The following POTEG variants were observed in gnomAD, a reference collection of about 807,000 sequenced individuals.
POTEG encodes POTE ankyrin domain family member G, also known as ANKRD26-like family C member 2.
In POTEG, 2 loss-of-function variants were observed where a neutral mutation model predicts 49.6. That is an observed-to-expected ratio of 0.04 (90% CI 0.02 to 0.13). The LOEUF (loss-of-function observed/expected upper bound fraction) is 0.13, where lower values mean the gene tolerates loss of function less well. Ranked by LOEUF, POTEG falls within the 10% of genes least tolerant of loss-of-function variation. The probability of loss-of-function intolerance (pLI) is 1.00; values close to 1 mark genes in which losing one functional copy is unlikely to be tolerated. For missense variants in POTEG, 26 were observed against 545.2 expected (o/e 0.05, Z 9.48); for synonymous variants, 7 against 186.6 (o/e 0.04, Z 7.84).
chr14:19,415,577 T>A (rs1441610158), intron 7 of POTEG, among the ~76,000 whole-genome samples: 1 of 149,552 alleles, frequency 6.7e-6, no homozygotes, highest in Admixed American at 6.6e-5. Flanking sequence ...GATGTTACAT[T>A]CTTCATCATG....
chr14:19,409,147 ATACT>A (rs1217811454), intron 9 of POTEG, among the ~76,000 whole-genome samples: 118 of 46,440 alleles, frequency 2.5e-3, no homozygotes, highest in African/African-American at 0.011. Context: ...CATTCATTTA[ATACT>A]TATTTATTAG....
chr14:19,432,974 G>T (rs1319266452), intron 1 of POTEG, among the ~76,000 whole-genome samples: 1 of 42,796 alleles, frequency 2.3e-5, no homozygotes, highest in East Asian at 6.5e-4. Context: ...TCCCAGGTTG[G>T]AGTACAGTGG....
At chr14:19,415,854 T>C (rs1418213234) in intron 7 of POTEG, among the ~76,000 whole-genome samples, 1 of 142,522 alleles carries the variant, frequency 7.0e-6, no homozygotes, top group Non-Finnish European at 1.6e-5. Flanking sequence ...TTTTTTTTTT[T>C]TTTTTTTTTG....
At chr14:19,415,838 T>C (rs1228792840) in intron 7 of POTEG, among the ~76,000 whole-genome samples, 1,873 of 54,836 alleles carry the variant, frequency 0.034, 23 homozygotes, top group South Asian at 0.058. Context: ...AATTTTTTTT[T>C]TTTTTTTTTT....
Position 19,424,186 on chromosome 14 carries a change from G to C in POTEG, c.1034C>G (p.Ala345Gly). Residue 345 changes from alanine (A) to glycine (G), a missense_variant, in exon 5 of 11, where the codon GCT (alanine) becomes GGT (glycine). Physicochemically the swap from Ala to Gly is moderately conservative, Grantham distance 60. Coordinates refer to ENST00000547848, the MANE Select transcript of POTEG (RefSeq NM_001005356.3). ...TTACACATTATGATGACTAGAAACA[G>C]CATACTCTCTGGCCGTCTGTCCAGA... ...DLSGQTAREY[A>G]VSSHHNVICQ... The C allele has an allele frequency of 6.6e-7, 1 of 1,519,964 alleles. No homozygotes were observed. Among genetic ancestry groups the C allele is most frequent in the Non-Finnish European group, 8.8e-7 (1 of 1,134,112 alleles). 94.2% of individuals were successfully genotyped at this position (1,519,964 alleles called of 1,614,324 possible).
intron 1 of POTEG, among the ~76,000 whole-genome samples, chr14:19,432,369 T>C (rs1240272454): frequency 7.6e-5 from 3 of 39,318 alleles, no homozygotes; most frequent in East Asian, 9.0e-4. Context: ...AAATTTTGTA[T>C]ATATATATAT....
chr14:19,419,854 C>T (rs1883682773), intron 6 of POTEG, among the ~76,000 whole-genome samples: 1 of 131,364 alleles, frequency 7.6e-6, no homozygotes, highest in South Asian at 2.6e-4. Context: ...GTTTTAGCCA[C>T]CGCTCATCTA....
At chr14:19,416,066 G>C (rs1191666751) in intron 7 of POTEG, among the ~76,000 whole-genome samples, 8 of 145,106 alleles carry the variant, frequency 5.5e-5, no homozygotes, top group African/African-American at 1.8e-4. Flanking sequence ...GGATGGTCTC[G>C]ATCTCCTGAC....
chr14:19,421,529 AGCCCATGGAAAGATT>A, intron 6 of POTEG, 80 bp downstream of exon 6: 1 of 1,445,804 alleles, frequency 6.9e-7, no homozygotes, highest in Non-Finnish European at 9.6e-7. Context: ...ACCTTTCCCC[AGCCCATGGAAAGATT>A]GTCTTCCACA....
intron 6 of POTEG, among the ~76,000 whole-genome samples, chr14:19,418,662 TAG>T (rs1883645523): frequency 5.1e-5 from 1 of 19,620 alleles, no homozygotes. Context: ...TAAACATGCA[TAG>T]AAAAACATTA....
At chr14:19,415,054 T>G (rs143882003) in intron 7 of POTEG, among the ~76,000 whole-genome samples, 1 of 145,122 alleles carries the variant, frequency 6.9e-6, no homozygotes, top group Non-Finnish European at 1.6e-5. Flanking sequence ...AGTGCTTTTT[T>G]AAAAGATTCC....
At chr14:19,433,587 GTTTTGT>G in intron 1 of POTEG, among the ~76,000 whole-genome samples, 176 bp downstream of exon 1, 2 of 137,284 alleles carry the variant, frequency 1.5e-5, no homozygotes. Context: ...ATCAGCTAAA[GTTTTGT>G]TTTTGTGTTG....
At position 19,403,048 on chromosome 14, in the gene POTEG, TCTTCCTGCAA is replaced by T. The variant is rs1218079701; in HGVS notation, c.*53_*62del. On this transcript the variant is annotated 3_prime_UTR_variant, in exon 11 of 11. Transcript: ENST00000547848. ...TAGTTCCAGTCTTAGCATGACAATT[TCTTCCTGCAA>T]CGTACTATTTTCATGCAAGAGGTCT... 2.9e-5 allele frequency: 2 copies of T among 68,040 alleles called. No individual in the cohort carries two copies. Among genetic ancestry groups the T allele is most frequent in the African/African-American group, 2.0e-4 (2 of 9,974 alleles). The allele number at this position is 68,040 out of a possible 1,614,324, so 4.2% of individuals were successfully genotyped here.
Position 19,415,346 on chromosome 14 carries a change from C to CT in POTEG, c.1198-741dup, listed in dbSNP as rs1883511733. ...GGTCCCATTCTGCAAGATATGATTC[C>CT]TTTAATAGGCAGTTGGGTTGCTTTT... On this transcript the variant is annotated intron_variant, in intron 7 of 10. Coordinates refer to ENST00000547848, the MANE Select transcript of POTEG (RefSeq NM_001005356.3). Among the ~76,000 whole-genome samples the CT allele has an allele frequency of 1.4e-5, 2 of 139,564 alleles. 1 individual carries two copies. The highest frequency in any genetic ancestry group is 1.4e-4 in the Admixed American group (2 of 13,920). 91.6% of individuals were successfully genotyped at this position (139,564 alleles called of 152,430 possible).
intron 1 of POTEG, among the ~76,000 whole-genome samples, chr14:19,432,403 T>TATATACAC (rs1330765784): frequency 0.016 from 700 of 44,262 alleles, 11 homozygotes; most frequent in Non-Finnish European, 0.024. Context: ...TATATATATA[T>TATATACAC]ACACACACAT....
intron 5 of POTEG, chr14:19,423,325 TGCTAGAG>T (rs1883811888): frequency 9.4e-5 from 2 of 21,356 alleles, no homozygotes; most frequent in Non-Finnish European, 3.9e-4. Context: ...ACCTAATATC[TGCTAGAG>T]AAAAGACCAA....
At chr14:19,430,785 A>G (rs1388627964) in intron 1 of POTEG, among the ~76,000 whole-genome samples, 6 of 144,110 alleles carry the variant, frequency 4.2e-5, no homozygotes, top group African/African-American at 1.5e-4. Flanking sequence ...AATATCATTT[A>G]TATTTGCTAT....
At chr14:19,415,300 T>G (rs1411560858) in intron 7 of POTEG, among the ~76,000 whole-genome samples, 2 of 142,594 alleles carry the variant, frequency 1.4e-5, no homozygotes, top group African/African-American at 5.0e-5. Context: ...AATGTTATTG[T>G]GTTTGTGCAC....
chr14:19,432,599 G>A (rs1330535609), intron 1 of POTEG, among the ~76,000 whole-genome samples: 1 of 70,536 alleles, frequency 1.4e-5, no homozygotes, highest in Non-Finnish European at 2.7e-5. Context: ...CATCTAGCTA[G>A]TTTTCTCCAA....
Sources: allele counts gnomAD v4.1 joint callset (sites outside exome capture counted in the v4.1 genomes callset), GRCh38; gene constraint gnomAD v4.1.1; transcripts MANE v1.5; gene names NCBI Gene and HGNC (gene_info 2026-07-23, HGNC 2026-07-21).